ARL15: variants seen among roughly 807,000 people sequenced by gnomAD.
The protein encoded by ARL15 is ADP-ribosylation factor-like protein 15.
A neutral mutation model predicts 25.2 loss-of-function variants in ARL15; 19 were observed. The observed-to-expected ratio is 0.75, with a 90% CI of 0.53 to 1.10. ARL15 has a LOEUF of 1.10. Among genes scored for constraint, ARL15 ranks in the 50% least tolerant of loss-of-function variants. ARL15 has a pLI of 0.00. For missense variants in ARL15, 220 were observed against 246.0 expected (o/e 0.89, Z 0.71); for synonymous variants, 94 against 86.8 (o/e 1.08, Z -0.46).
At chr5:54,280,379 G>C (rs1758025200) in intron 1 of ARL15, among the ~76,000 whole-genome samples, 1 of 152,002 alleles carries the variant, frequency 6.6e-6, no homozygotes, top group Admixed American at 6.5e-5. Flanking sequence ...ATCTAACCGG[G>C]GACAAATACT....
intron 1 of ARL15, among the ~76,000 whole-genome samples, chr5:54,267,622 T>G (rs1757664485): frequency 6.6e-6 from 1 of 152,162 alleles, no homozygotes. Context: ...CACAGAGATT[T>G]GAAAAACATT....
intron 4 of ARL15, among the ~76,000 whole-genome samples, chr5:54,039,331 T>C (rs1279134753): frequency 2.0e-5 from 3 of 151,992 alleles, no homozygotes; most frequent in Non-Finnish European, 4.4e-5. Flanking sequence ...AAGACTAAAG[T>C]AGAGAAAAAC....
chr5:54,232,130 C>T (rs1756688653), intron 1 of ARL15, among the ~76,000 whole-genome samples: 1 of 152,178 alleles, frequency 6.6e-6, no homozygotes, highest in South Asian at 2.1e-4. Flanking sequence ...AAGTCTCAGC[C>T]TCCATAGTCT....
chr5:53,972,260 A>G (rs1253820044), intron 4 of ARL15, among the ~76,000 whole-genome samples: 1 of 152,182 alleles, frequency 6.6e-6, no homozygotes, highest in Non-Finnish European at 1.5e-5. Flanking sequence ...CCAGATGATT[A>G]ATCACCTGCC....
chr5:54,290,656 T>C (rs1579986710), intron 1 of ARL15, among the ~76,000 whole-genome samples: 2 of 152,316 alleles, frequency 1.3e-5, no homozygotes, highest in Non-Finnish European at 1.5e-5. Flanking sequence ...AATGCTATTA[T>C]AATGATAGGC....
Position 54,019,221 on chromosome 5 carries a change from T to G in ARL15, c.462+93981A>C, listed in dbSNP as rs528648055. ...AGTTGAGACGTACCTAAGTTTGTCA[T>G]CTAACAGTGAAGGTTTTTCCAAGTG... On this transcript the variant is annotated intron_variant, in intron 4 of 4. Transcript: ENST00000504924. 7.9e-5 allele frequency among the ~76,000 whole-genome samples: 12 copies of G among 152,212 alleles called. No individual in the cohort carries two copies. The East Asian group carries it at 2.3e-3, about 29-fold the overall frequency.
intron 4 of ARL15, among the ~76,000 whole-genome samples, chr5:53,958,073 G>A (rs1412763680): frequency 2.0e-5 from 3 of 151,872 alleles, no homozygotes; most frequent in East Asian, 1.9e-4. Flanking sequence ...AACCAGGCAC[G>A]GTGGTGGCTG....
chr5:54,276,487 A>T (rs993133137), intron 1 of ARL15, among the ~76,000 whole-genome samples: 1 of 152,184 alleles, frequency 6.6e-6, no homozygotes, highest in Non-Finnish European at 1.5e-5. Flanking sequence ...ACTAGGCTAC[A>T]CTGGTTTTCT....
intron 1 of ARL15, among the ~76,000 whole-genome samples, chr5:54,249,825 G>A (rs1360863655): frequency 6.6e-6 from 1 of 152,150 alleles, no homozygotes; most frequent in Non-Finnish European, 1.5e-5. Context: ...AGCCAACAGG[G>A]CTATAGCAGT....
chr5:54,124,020 A>G (rs1053609447), intron 3 of ARL15, among the ~76,000 whole-genome samples: 1 of 152,174 alleles, frequency 6.6e-6, no homozygotes, highest in Non-Finnish European at 1.5e-5. Flanking sequence ...CACGAAGAAC[A>G]CACTCAGGAG....
chr5:54,066,054 T>A (rs1021023325), intron 4 of ARL15, among the ~76,000 whole-genome samples: 1 of 152,238 alleles, frequency 6.6e-6, no homozygotes, highest in African/African-American at 2.4e-5. Flanking sequence ...ACATTATTTC[T>A]AGCATCACAA....
chr5:54,143,239 T>C (rs112851641), intron 3 of ARL15, among the ~76,000 whole-genome samples: 1 of 152,228 alleles, frequency 6.6e-6, no homozygotes, highest in African/African-American at 2.4e-5. Context: ...CTGTTGACTT[T>C]ACATTTCTCT....
intron 3 of ARL15, among the ~76,000 whole-genome samples, chr5:54,136,961 T>C (rs1753624027): frequency 6.6e-6 from 1 of 152,022 alleles, no homozygotes. Context: ...GCCTGCCAGT[T>C]GCACAGCTCC....
chr5:54,281,899 T>C (rs1758070954), intron 1 of ARL15, among the ~76,000 whole-genome samples: 1 of 152,246 alleles, frequency 6.6e-6, no homozygotes, highest in Admixed American at 6.5e-5. Context: ...CAATCATTTT[T>C]TCATATATTT....
At chr5:54,258,762 G>A (rs1389098867) in intron 1 of ARL15, among the ~76,000 whole-genome samples, 1 of 152,166 alleles carries the variant, frequency 6.6e-6, no homozygotes, top group African/African-American at 2.4e-5. Context: ...CTAAGATTCA[G>A]TGATCAAGCC....
At chr5:53,937,654 G>A (rs1746393373) in intron 4 of ARL15, among the ~76,000 whole-genome samples, 1 of 152,142 alleles carries the variant, frequency 6.6e-6, no homozygotes, top group Non-Finnish European at 1.5e-5. Flanking sequence ...AGGAAAAACA[G>A]GCTTTACCAT....
intron 1 of ARL15, among the ~76,000 whole-genome samples, chr5:54,181,099 T>C (rs531198639): frequency 6.6e-6 from 1 of 152,140 alleles, no homozygotes; most frequent in African/African-American, 2.4e-5. Context: ...AAGAAATGAA[T>C]TCAAGATTCT....
intron 4 of ARL15, among the ~76,000 whole-genome samples, chr5:53,916,557 GTATTAT>G (rs889642548): frequency 6.6e-6 from 1 of 151,988 alleles, no homozygotes. Flanking sequence ...AGAACACAAA[GTATTAT>G]TATTATTATT....
chr5:54,309,443 A>C (rs1758840524), intron 1 of ARL15, among the ~76,000 whole-genome samples: 2 of 152,266 alleles, frequency 1.3e-5, no homozygotes, highest in Non-Finnish European at 2.9e-5. Flanking sequence ...AGGCACTGGC[A>C]AATCTCTGCC....
Sources: gnomAD v4.1 joint callset for allele counts (sites outside exome capture counted in the v4.1 genomes callset) on GRCh38, gnomAD v4.1.1 for gene constraint, MANE v1.5 for transcripts, NCBI Gene and HGNC (gene_info 2026-07-23, HGNC 2026-07-21) for gene names.